The following MTUS2 variants were observed in gnomAD, a reference collection of about 807,000 sequenced individuals.
The protein encoded by MTUS2 is microtubule-associated tumor suppressor candidate 2.
A neutral mutation model predicts 114.1 loss-of-function variants in MTUS2; 40 were observed. That is an observed-to-expected ratio of 0.35 (90% CI 0.27 to 0.46). The LOEUF is 0.46. MTUS2 is among the 20% of genes least tolerant of loss of function. The pLI is 1.00. For synonymous variants in MTUS2, 688 were observed against 672.0 expected, an observed-to-expected ratio of 1.02 and a Z score of -0.37; for missense variants, 1,679 against 1,705.4, an observed-to-expected ratio of 0.98 and a Z score of 0.27.
intron 2 of MTUS2, among the ~76,000 whole-genome samples, chr13:28,866,984 A>T (rs1476421794): frequency 1.3e-5 from 2 of 152,244 alleles, no homozygotes; most frequent in Non-Finnish European, 2.9e-5. Context: ...TACACTTGCT[A>T]CCTCAAGTAA....
intron 9 of MTUS2, among the ~76,000 whole-genome samples, chr13:29,471,142 AGACCGG>A (rs1367583724): frequency 1.3e-5 from 2 of 152,112 alleles, no homozygotes; most frequent in Non-Finnish European, 2.9e-5. Flanking sequence ...CAGGAGTTTG[AGACCGG>A]CCTGGCCAAC....
At chr13:29,011,112 A>G (rs1885821640) in intron 2 of MTUS2, among the ~76,000 whole-genome samples, 1 of 152,244 alleles carries the variant, frequency 6.6e-6, no homozygotes, top group Admixed American at 6.5e-5. Flanking sequence ...TTATTTAAAA[A>G]ATAAGAAGCA....
intron 8 of MTUS2, among the ~76,000 whole-genome samples, chr13:29,436,210 T>C (rs564616993): frequency 1.3e-5 from 2 of 152,164 alleles, no homozygotes; most frequent in Admixed American, 6.5e-5. Context: ...TTGGATCTTG[T>C]TGTTGCATCT....
intron 12 of MTUS2, among the ~76,000 whole-genome samples, chr13:29,495,938 C>A: frequency 6.6e-6 from 1 of 150,468 alleles, no homozygotes; most frequent in Non-Finnish European, 1.5e-5. Context: ...GTGTGTGTAT[C>A]TATATATCTA....
In MTUS2 at chr13:29,276,892, C is replaced by T. The variant is rs894627988; in HGVS notation, c.2645-4812C>T. 9.3e-5 allele frequency among the ~76,000 whole-genome samples: 14 copies of T among 150,008 alleles called. No individual in the cohort carries two copies. In the South Asian group the frequency reaches 1.5e-3, roughly 16 times the overall value. ...CAGCCTGGTGGACAGAGGGAGACTC[C>T]GTCTCAAATAAATAAATAAATAAAT... is the stretch of plus-strand genomic sequence containing the variant. On this transcript the variant is annotated intron_variant, in intron 5 of 15. Coordinates refer to ENST00000612955, the MANE Select transcript of MTUS2 (RefSeq NM_001033602.4).
At chr13:28,866,363 A>G (rs1317644349) in intron 2 of MTUS2, among the ~76,000 whole-genome samples, 1 of 152,122 alleles carries the variant, frequency 6.6e-6, no homozygotes, top group East Asian at 1.9e-4. Context: ...ACTTTCAAGT[A>G]GTTGGTAAGC....
At chr13:29,112,033 C>G (rs1428277616) in intron 5 of MTUS2, among the ~76,000 whole-genome samples, 1 of 152,148 alleles carries the variant, frequency 6.6e-6, no homozygotes, top group Non-Finnish European at 1.5e-5. Flanking sequence ...CATCCTATAA[C>G]TACATCATAC....
intron 6 of MTUS2, among the ~76,000 whole-genome samples, chr13:29,320,505 G>T (rs1432983297): frequency 6.6e-6 from 1 of 152,184 alleles, no homozygotes; most frequent in Non-Finnish European, 1.5e-5. Context: ...GGCAGACAAG[G>T]GAGAGGCTGA....
At chr13:29,485,582 A>G (rs1881548371) in intron 10 of MTUS2, among the ~76,000 whole-genome samples, 1 of 152,178 alleles carries the variant, frequency 6.6e-6, no homozygotes, top group Non-Finnish European at 1.5e-5. Context: ...TTTCATTCAT[A>G]AAAGCACCTC....
chr13:29,108,793 T>A (rs868142950), intron 5 of MTUS2, among the ~76,000 whole-genome samples: 3 of 152,144 alleles, frequency 2.0e-5, no homozygotes, highest in South Asian at 2.1e-4. Flanking sequence ...GCCCTGCAGG[T>A]CCTCTCCAGG....
At chr13:29,215,778 GC>G (rs1895655374) in intron 5 of MTUS2, among the ~76,000 whole-genome samples, 1 of 152,126 alleles carries the variant, frequency 6.6e-6, no homozygotes, top group African/African-American at 2.4e-5. Flanking sequence ...CCTGCCACAT[GC>G]CAGCCAGAGC....
chr13:28,984,383 C>G (rs905372341), intron 2 of MTUS2, among the ~76,000 whole-genome samples: 1 of 152,102 alleles, frequency 6.6e-6, no homozygotes, highest in Non-Finnish European at 1.5e-5. Context: ...TCCTAGTATC[C>G]ATAAAAGGGG....
intron 5 of MTUS2, among the ~76,000 whole-genome samples, chr13:29,134,178 C>T (rs543660739): frequency 1.3e-5 from 2 of 152,192 alleles, no homozygotes; most frequent in East Asian, 1.9e-4. Context: ...TTAATTTCCA[C>T]ACATTTTTGA....
chr13:29,062,926 T>G (rs1384739777), intron 4 of MTUS2, among the ~76,000 whole-genome samples: 1 of 152,234 alleles, frequency 6.6e-6, no homozygotes, highest in African/African-American at 2.4e-5. Context: ...TTACATCATT[T>G]TCGTGTTTTT....
chr13:29,268,127 C>T (rs1391538934), intron 5 of MTUS2, among the ~76,000 whole-genome samples: 1 of 152,020 alleles, frequency 6.6e-6, no homozygotes, highest in African/African-American at 2.4e-5. Context: ...AGGTATTTCT[C>T]CTAATGCTCT....
At chr13:29,387,800 A>G (rs1033674811) in intron 8 of MTUS2, among the ~76,000 whole-genome samples, 2 of 152,206 alleles carry the variant, frequency 1.3e-5, no homozygotes, top group African/African-American at 4.8e-5. Flanking sequence ...TGGCAAAGCC[A>G]CTTACTGAGA....
At chr13:28,942,658 A>T (rs1882308009) in intron 2 of MTUS2, among the ~76,000 whole-genome samples, 1 of 152,266 alleles carries the variant, frequency 6.6e-6, no homozygotes, top group Admixed American at 6.5e-5. Flanking sequence ...TTACATGGTG[A>T]CATGGATACA....
intron 2 of MTUS2, among the ~76,000 whole-genome samples, chr13:28,912,723 C>T (rs768576443): frequency 6.6e-6 from 1 of 151,896 alleles, no homozygotes; most frequent in East Asian, 1.9e-4. Flanking sequence ...TAAAGAGGTC[C>T]TTTACTTCCC....
chr13:29,172,996 A>T (rs1220242959), intron 5 of MTUS2, among the ~76,000 whole-genome samples: 1 of 152,144 alleles, frequency 6.6e-6, no homozygotes, highest in Non-Finnish European at 1.5e-5. Context: ...TCCATCCAAC[A>T]TATATCTCGT....
Sources: allele counts gnomAD v4.1 joint callset (sites outside exome capture counted in the v4.1 genomes callset), GRCh38; gene constraint gnomAD v4.1.1; transcripts MANE v1.5; gene names NCBI Gene and HGNC (gene_info 2026-07-23, HGNC 2026-07-21).